The following CNKSR3 variants were observed in gnomAD, a reference collection of about 807,000 sequenced individuals.
CNKSR3 encodes connector enhancer of kinase suppressor of ras 3.
CNKSR3 carries 36 observed loss-of-function variants against 67.7 expected under a neutral mutation model. The observed-to-expected ratio is 0.53, with a 90% CI of 0.41 to 0.70. CNKSR3 has a LOEUF of 0.70. Ranked by LOEUF, CNKSR3 falls within the 30% of genes least tolerant of loss-of-function variation. The pLI is 0.00. For synonymous variants in CNKSR3, 281 were observed against 271.4 expected (o/e 1.04, Z -0.35); for missense variants, 630 against 695.2 (o/e 0.91, Z 1.05).
chr6:154,486,414 G>A (rs559900052), intron 1 of CNKSR3, among the ~76,000 whole-genome samples: 75 of 150,928 alleles, frequency 5.0e-4, no homozygotes, highest in African/African-American at 1.6e-3. Context: ...CTCCTGCCTC[G>A]GCCTCCTGGG....
At chr6:154,494,757 C>T (rs6911971) in intron 1 of CNKSR3, among the ~76,000 whole-genome samples, 59,461 of 151,906 alleles carry the variant, frequency 0.39, 11,826 homozygotes, top group African/African-American at 0.47. Flanking sequence ...CCCCGTTCCT[C>T]CCCTGTCAGT....
At chr6:154,411,633 C>CAAAAAAA (rs57943019) in intron 10 of CNKSR3, among the ~76,000 whole-genome samples, 9 of 103,360 alleles carry the variant, frequency 8.7e-5, no homozygotes, top group Non-Finnish European at 1.3e-4. Context: ...GACTCCATCT[C>CAAAAAAA]AAAAAAAAAA....
chr6:154,499,332 T>G (rs1786937372), intron 1 of CNKSR3, among the ~76,000 whole-genome samples: 1 of 152,142 alleles, frequency 6.6e-6, no homozygotes, highest in African/African-American at 2.4e-5. Context: ...TCCACATGAG[T>G]GGTGTAGACC....
intron 1 of CNKSR3, among the ~76,000 whole-genome samples, chr6:154,455,179 C>T (rs906610333): frequency 1.9e-4 from 29 of 151,570 alleles, no homozygotes; most frequent in African/African-American, 5.3e-4. Context: ...ATTAGCCAGG[C>T]GTGGTGGCAG....
chr6:154,478,115 G>A (rs906358051), intron 1 of CNKSR3, among the ~76,000 whole-genome samples: 18 of 152,184 alleles, frequency 1.2e-4, no homozygotes, highest in Non-Finnish European at 2.4e-4. Context: ...CAAGAAAGGT[G>A]AGTACAGCCT....
chr6:154,406,539 G>C lies in CNKSR3; in HGVS notation c.1483C>G (p.Arg495Gly). 1 of 1,614,210 alleles carries C rather than the reference G, an allele frequency of 6.2e-7. No individual in the cohort carries two copies. The highest frequency in any genetic ancestry group is 8.5e-7 in the Non-Finnish European group (1 of 1,180,036). ...CTTCCTCGGATGTAGTCCGCACCCCGGACCAGATGCCGCTCGGTCGTGGGT... is the reference window on the plus strand; with the variant it reads ...CTTCCTCGGATGTAGTCCGCACCCCCGACCAGATGCCGCTCGGTCGTGGGT... ...SRPTTERHLVRGADYIRGSRC... is the reference protein window; with the variant it reads ...SRPTTERHLVGGADYIRGSRC... The change falls in exon 13 of 13, where the codon CGG becomes GGG. Residue 495 changes from arginine (R) to glycine (G), a missense_variant. Physicochemically the swap from Arg to Gly is moderately radical, Grantham distance 125 (BLOSUM62 -2). Around this residue, in one of 3 missense-constraint regions of CNKSR3, gnomAD observed 308 missense variants for 299.6 expected, o/e 1.03. Coordinates refer to ENST00000607772, the MANE Select transcript of CNKSR3 (RefSeq NM_173515.4).
At position 154,510,440 on chromosome 6, in the gene CNKSR3, G is replaced by GACCC; in HGVS notation, c.-327_-326insGGGT. 2.6e-6 allele frequency: 1 copy of GACCC among 388,342 alleles called. No individual in the cohort carries two copies. The highest frequency in any genetic ancestry group is 3.3e-5 in the South Asian group (1 of 30,444). The allele number at this position is 388,342 out of a possible 1,614,324, so 24.1% of individuals were successfully genotyped here. A position where few individuals can be genotyped will look rare whatever the true frequency, so the allele number is the denominator to read the frequency against. ...ACCCCAGACCCCTGGCCTCGGCTCG[G>GACCC]CACGGGAGCCTCCCGGCCCGCGACC... is the stretch of plus-strand genomic sequence containing the variant. On this transcript the variant is annotated 5_prime_UTR_variant, in exon 1 of 13. Transcript: ENST00000607772.
chr6:154,414,176 A>G, intron 10 of CNKSR3, 123 bp downstream of exon 10: 2 of 1,028,090 alleles, frequency 1.9e-6, no homozygotes, highest in Non-Finnish European at 2.7e-6. Flanking sequence ...ACGGCAGTTC[A>G]AGATTCAGCC....
At chr6:154,426,053 A>C (rs1270873658) in intron 7 of CNKSR3, among the ~76,000 whole-genome samples, 1 of 152,208 alleles carries the variant, frequency 6.6e-6, no homozygotes, top group Admixed American at 6.6e-5. Flanking sequence ...CCTAGTGTCT[A>C]GCACATTCCA....
At chr6:154,457,975 G>C (rs1173136701) in intron 1 of CNKSR3, among the ~76,000 whole-genome samples, 1 of 152,186 alleles carries the variant, frequency 6.6e-6, no homozygotes, top group Non-Finnish European at 1.5e-5. Context: ...GTCACGCACA[G>C]GTTGGCAAAA....
chr6:154,449,941 A>AT (rs34727320), intron 2 of CNKSR3, among the ~76,000 whole-genome samples, 154 bp downstream of exon 2: 106,905 of 152,090 alleles, frequency 0.7, 37,937 homozygotes, highest in East Asian at 0.9. Context: ...AAAATAACTT[A>AT]TTTTTCCCCT....
chr6:154,486,133 G>A (rs1490761081), intron 1 of CNKSR3, among the ~76,000 whole-genome samples: 2 of 152,008 alleles, frequency 1.3e-5, no homozygotes, highest in South Asian at 2.1e-4. Context: ...GCTTCCCCTC[G>A]GCCGTGTAAT....
At chr6:154,470,030 A>G (rs1786288745) in intron 1 of CNKSR3, among the ~76,000 whole-genome samples, 1 of 151,980 alleles carries the variant, frequency 6.6e-6, no homozygotes, top group Admixed American at 6.6e-5. Context: ...AAAAAAATCT[A>G]CTTATAAGTG....
chr6:154,486,750 T>TC (rs1170949656), intron 1 of CNKSR3, among the ~76,000 whole-genome samples: 1 of 152,132 alleles, frequency 6.6e-6, no homozygotes, highest in Non-Finnish European at 1.5e-5. Context: ...TGCCTCGGCC[T>TC]CCCAAAGTGC....
At chr6:154,429,571 G>T (rs1785322794) in intron 6 of CNKSR3, among the ~76,000 whole-genome samples, 1 of 152,144 alleles carries the variant, frequency 6.6e-6, no homozygotes, top group South Asian at 2.1e-4. Context: ...TTGCTTTGAA[G>T]CCAAGCAGTA....
chr6:154,486,496 T>C (rs1161631553), intron 1 of CNKSR3, among the ~76,000 whole-genome samples: 5 of 136,912 alleles, frequency 3.7e-5, no homozygotes, highest in Non-Finnish European at 7.4e-5. Context: ...TTTATTTTAT[T>C]TTATCTTATT....
intron 9 of CNKSR3, among the ~76,000 whole-genome samples, chr6:154,415,411 A>T (rs963409022): frequency 6.6e-6 from 1 of 151,682 alleles, no homozygotes; most frequent in African/African-American, 2.4e-5. Context: ...TTGTATGTTT[A>T]GTAGAGATGG....
At chr6:154,483,299 A>T (rs997107268) in intron 1 of CNKSR3, among the ~76,000 whole-genome samples, 1 of 152,188 alleles carries the variant, frequency 6.6e-6, no homozygotes, top group Non-Finnish European at 1.5e-5. Flanking sequence ...CCTGTAAGAA[A>T]ACAGAAGATC....
chr6:154,453,663 C>T (rs1308134242), intron 1 of CNKSR3, among the ~76,000 whole-genome samples: 1 of 152,112 alleles, frequency 6.6e-6, no homozygotes, highest in South Asian at 2.1e-4. Flanking sequence ...ACATTATGAC[C>T]TATTGTTCGG....
Sources: allele counts gnomAD v4.1 joint callset (sites outside exome capture counted in the v4.1 genomes callset), GRCh38; gene constraint gnomAD v4.1.1; regional missense constraint gnomAD v4.1.1; transcripts MANE v1.5; gene names NCBI Gene and HGNC (gene_info 2026-07-23, HGNC 2026-07-21).